Variants in TEC observed in about 807,000 individuals in gnomAD.
The protein encoded by TEC is tyrosine-protein kinase Tec.
Under a neutral mutation model 93.0 loss-of-function variants are expected in TEC, and 72 were observed. The observed-to-expected ratio is 0.77, with a 90% CI of 0.64 to 0.94. The LOEUF (loss-of-function observed/expected upper bound fraction) is 0.94, where lower values mean the gene tolerates loss of function less well. Ranked by LOEUF, TEC falls within the 40% of genes least tolerant of loss-of-function variation. The probability of loss-of-function intolerance (pLI) is 0.00; values close to 1 mark genes in which losing one functional copy is unlikely to be tolerated. For synonymous variants in TEC, 249 were observed against 247.7 expected (o/e 1.01, Z -0.05); for missense variants, 630 against 757.9 (o/e 0.83, Z 1.98).
chr4:48,173,443 G>A (rs1300242702), intron 3 of TEC, among the ~76,000 whole-genome samples: 1 of 152,212 alleles, frequency 6.6e-6, no homozygotes, highest in African/African-American at 2.4e-5. Context: ...AGGCTGAAGA[G>A]GTATTTGTGG....
intron 1 of TEC, among the ~76,000 whole-genome samples, chr4:48,245,013 G>A (rs1181503591): frequency 6.6e-6 from 1 of 152,104 alleles, no homozygotes; most frequent in Admixed American, 6.5e-5. Context: ...TTAAAAATTA[G>A]GCCGAGCACA....
At chr4:48,214,043 T>C (rs781540710) in intron 2 of TEC, among the ~76,000 whole-genome samples, 38 of 152,218 alleles carry the variant, frequency 2.5e-4, no homozygotes, top group Non-Finnish European at 4.4e-4. Context: ...GAGATCTTTA[T>C]ATTAAAGATC....
chr4:48,157,404 G>A (rs1176347183), intron 8 of TEC, among the ~76,000 whole-genome samples: 5 of 152,152 alleles, frequency 3.3e-5, no homozygotes, highest in African/African-American at 1.2e-4. Flanking sequence ...CAAGCCCTGT[G>A]GTTGCCCAAG....
chr4:48,228,543 T>C lies in TEC; in HGVS notation c.72A>G (p.Leu24=). 1.2e-6 allele frequency: 2 copies of C among 1,613,860 alleles called. No individual in the cohort carries two copies. Among genetic ancestry groups the C allele is most frequent in the Admixed American group, 1.7e-5 (1 of 60,004 alleles). Residue 24 remains leucine (L), a synonymous_variant, in exon 2 of 18, where the codon TTA becomes TTG. Transcript: ENST00000381501. ...RSQQKKKTSP[L]NYKERLFVLT... ...GTACAAAAAGTCTCTCTTTGTAGTT[T>C]AAGGGCGATGTCTTCTTTTTCTGCT...
At chr4:48,202,274 T>C (rs369851703) in intron 2 of TEC, among the ~76,000 whole-genome samples, 33 of 152,276 alleles carry the variant, frequency 2.2e-4, no homozygotes, top group South Asian at 6.2e-4. Flanking sequence ...CCAAAAAGAA[T>C]AGATTTTTAG....
At chr4:48,211,970 G>A (rs1223021878) in intron 2 of TEC, among the ~76,000 whole-genome samples, 3 of 151,254 alleles carry the variant, frequency 2.0e-5, no homozygotes, top group Non-Finnish European at 4.4e-5. Flanking sequence ...GTGGTGGCAC[G>A]CACCTGTAGT....
chr4:48,160,847 GAGGGAGGA>G (rs1560382020), intron 8 of TEC, among the ~76,000 whole-genome samples: 1 of 71,776 alleles, frequency 1.4e-5, no homozygotes, highest in African/African-American at 4.6e-5. Context: ...GGGAGAGAGG[GAGGGAGGA>G]AGGGAGGAAG....
At chr4:48,194,441 A>G (rs181332645) in intron 2 of TEC, among the ~76,000 whole-genome samples, 7 of 152,240 alleles carry the variant, frequency 4.6e-5, no homozygotes, top group Non-Finnish European at 7.3e-5. Context: ...GTTCTCTTCA[A>G]TGTTAAAGAG....
chr4:48,250,757 T>C (rs928501039), intron 1 of TEC, among the ~76,000 whole-genome samples: 8 of 152,188 alleles, frequency 5.3e-5, no homozygotes, highest in African/African-American at 1.9e-4. Flanking sequence ...CCAGGCAATA[T>C]TGCAGAGCTG....
At chr4:48,227,697 T>C (rs1365802541) in intron 2 of TEC, among the ~76,000 whole-genome samples, 3 of 148,114 alleles carry the variant, frequency 2.0e-5, no homozygotes, top group African/African-American at 5.0e-5. Context: ...CTGAAACCAA[T>C]TGCATAACAG....
chr4:48,217,264 C>T (rs2704414), intron 2 of TEC, among the ~76,000 whole-genome samples: 24,157 of 152,126 alleles, frequency 0.16, 2,898 homozygotes, highest in African/African-American at 0.32. Flanking sequence ...CCACCATGCC[C>T]AGCTAATTTT....
At chr4:48,260,201 C>A (rs1449549723) in intron 1 of TEC, among the ~76,000 whole-genome samples, 1 of 152,178 alleles carries the variant, frequency 6.6e-6, no homozygotes, top group Non-Finnish European at 1.5e-5. Flanking sequence ...AACAGAGACA[C>A]TGTAATTCTA....
chr4:48,226,782 G>C (rs187368867), intron 2 of TEC, among the ~76,000 whole-genome samples: 37 of 152,174 alleles, frequency 2.4e-4, no homozygotes, highest in Admixed American at 7.8e-4. Flanking sequence ...ACATTGACAA[G>C]AGTCAACTAT....
At chr4:48,248,293 G>A (rs1270220025) in intron 1 of TEC, among the ~76,000 whole-genome samples, 2 of 152,122 alleles carry the variant, frequency 1.3e-5, no homozygotes, top group African/African-American at 2.4e-5. Context: ...ATCTAGGGTG[G>A]CCTCATTCAC....
intron 1 of TEC, among the ~76,000 whole-genome samples, chr4:48,253,589 TGAGAC>T (rs1724264995): frequency 6.6e-6 from 1 of 151,034 alleles, no homozygotes; most frequent in Admixed American, 6.6e-5. Context: ...TTTTTTTTTT[TGAGAC>T]AGAGTCTCGC....
intron 2 of TEC, among the ~76,000 whole-genome samples, chr4:48,225,143 A>G (rs914629756): frequency 1.3e-5 from 2 of 152,030 alleles, no homozygotes; most frequent in African/African-American, 4.8e-5. Flanking sequence ...ATTTGCACAG[A>G]TTACTCATGT....
intron 1 of TEC, among the ~76,000 whole-genome samples, chr4:48,254,157 A>G (rs1445649637): frequency 2.0e-5 from 3 of 152,214 alleles, no homozygotes; most frequent in Non-Finnish European, 4.4e-5. Context: ...TAACGCAAAC[A>G]TAAAAAGTTG....
intron 1 of TEC, among the ~76,000 whole-genome samples, chr4:48,268,578 C>T (rs1724700562): frequency 6.6e-6 from 1 of 152,216 alleles, no homozygotes; most frequent in African/African-American, 2.4e-5. Flanking sequence ...ATCCCTTACT[C>T]CAGGTGATTA....
At chr4:48,264,763 A>T (rs1724588192) in intron 1 of TEC, among the ~76,000 whole-genome samples, 1 of 151,810 alleles carries the variant, frequency 6.6e-6, no homozygotes, top group African/African-American at 2.4e-5. Flanking sequence ...CAGCCTGCTG[A>T]GTAGCTGGGA....
Sources: gnomAD v4.1 joint callset for allele counts (sites outside exome capture counted in the v4.1 genomes callset) on GRCh38, gnomAD v4.1.1 for gene constraint, MANE v1.5 for transcripts, NCBI Gene and HGNC (gene_info 2026-07-23, HGNC 2026-07-21) for gene names.